Variants in CNTN5 observed in about 807,000 individuals in gnomAD.
CNTN5 encodes contactin-5.
Under a neutral mutation model 129.1 loss-of-function variants are expected in CNTN5, and 77 were observed. The ratio of observed to expected loss-of-function variants is 0.60; its 90% CI spans 0.50 to 0.72. The LOEUF is 0.72. Among genes scored for constraint, CNTN5 ranks in the 30% least tolerant of loss-of-function variants. The pLI is 0.00. For missense variants in CNTN5, 1,478 were observed against 1,328.8 expected (o/e 1.11, Z -1.75); for synonymous variants, 509 against 465.6 (o/e 1.09, Z -1.20).
At chr11:100,027,488 C>G (rs1489393562) in intron 9 of CNTN5, among the ~76,000 whole-genome samples, 3 of 152,190 alleles carry the variant, frequency 2.0e-5, no homozygotes, top group Admixed American at 2.0e-4. Context: ...AGGTTAGGAA[C>G]TATTCCTGGC....
chr11:99,208,700 G>C (rs548755675), intron 1 of CNTN5, among the ~76,000 whole-genome samples: 2 of 152,176 alleles, frequency 1.3e-5, no homozygotes, highest in South Asian at 2.1e-4. Flanking sequence ...ATTAGGAAAT[G>C]GTGAGGGAAG....
intron 9 of CNTN5, among the ~76,000 whole-genome samples, chr11:100,047,479 C>A (rs1404064260): frequency 6.6e-6 from 1 of 152,046 alleles, no homozygotes; most frequent in Admixed American, 6.5e-5. Context: ...TAATGTGAAG[C>A]CTCTAATAAA....
chr11:99,862,572 TTGTC>T (rs777318568), intron 6 of CNTN5, among the ~76,000 whole-genome samples: 1 of 152,132 alleles, frequency 6.6e-6, no homozygotes, highest in Non-Finnish European at 1.5e-5. Context: ...TCTGACTTTG[TTGTC>T]TATTTCTTAT....
intron 13 of CNTN5, among the ~76,000 whole-genome samples, chr11:100,101,699 C>A (rs1945230326): frequency 6.6e-6 from 1 of 151,962 alleles, no homozygotes; most frequent in Admixed American, 6.6e-5. Flanking sequence ...GTATACTATA[C>A]CCAATATGTA....
intron 8 of CNTN5, among the ~76,000 whole-genome samples, chr11:99,972,083 A>G (rs1278119217): frequency 1.5e-5 from 1 of 68,568 alleles, no homozygotes; most frequent in African/African-American, 6.6e-5. Context: ...ACTTATCTCT[A>G]TTAAAAAAAA....
chr11:99,768,045 A>G (rs567233801), intron 3 of CNTN5, among the ~76,000 whole-genome samples: 89 of 152,178 alleles, frequency 5.8e-4, no homozygotes, highest in Admixed American at 9.2e-4. Flanking sequence ...TGTATTGTCT[A>G]TGGCTGCTTT....
intron 1 of CNTN5, among the ~76,000 whole-genome samples, chr11:99,295,358 C>T (rs920187925): frequency 1.3e-5 from 2 of 152,160 alleles, no homozygotes; most frequent in African/African-American, 4.8e-5. Context: ...TTCTGTTTAG[C>T]CAATTCTATT....
chr11:99,960,030 A>T (rs1433237217), intron 8 of CNTN5, among the ~76,000 whole-genome samples: 1 of 152,094 alleles, frequency 6.6e-6, no homozygotes, highest in East Asian at 1.9e-4. Flanking sequence ...ACTAAATCTC[A>T]CGCTGGAGAG....
intron 13 of CNTN5, among the ~76,000 whole-genome samples, chr11:100,110,055 T>C (rs1422018049): frequency 1.3e-5 from 2 of 151,840 alleles, no homozygotes; most frequent in Non-Finnish European, 2.9e-5. Context: ...GTCGTGTTGC[T>C]GTAGTCCCAT....
At chr11:99,797,363 C>T (rs1211237920) in intron 3 of CNTN5, among the ~76,000 whole-genome samples, 1 of 152,090 alleles carries the variant, frequency 6.6e-6, no homozygotes, top group Non-Finnish European at 1.5e-5. Flanking sequence ...ATTTACATAC[C>T]TGCCAATAGT....
chr11:100,301,677 C>A (rs1458349823), intron 20 of CNTN5, among the ~76,000 whole-genome samples: 2 of 151,462 alleles, frequency 1.3e-5, no homozygotes, highest in East Asian at 1.9e-4. Context: ...AGTGTGTCAA[C>A]CAAGAAAGGC....
At chr11:100,071,644 A>C (rs561788709) in intron 11 of CNTN5, 61 bp from the exon 12 acceptor site, 1 of 1,310,018 alleles carries the variant, frequency 7.6e-7, no homozygotes, top group Middle Eastern at 1.9e-4. Flanking sequence ...AGGAGAGAAT[A>C]CCCATAAAAT....
chr11:99,585,406 C>T (rs918868299), intron 3 of CNTN5, among the ~76,000 whole-genome samples: 5 of 152,088 alleles, frequency 3.3e-5, no homozygotes, highest in African/African-American at 1.2e-4. Flanking sequence ...TAGCTGTTTT[C>T]TATTAAGCTA....
At chr11:99,174,878 T>TA (rs1857698236) in intron 1 of CNTN5, among the ~76,000 whole-genome samples, 1 of 152,166 alleles carries the variant, frequency 6.6e-6, no homozygotes, top group Non-Finnish European at 1.5e-5. Context: ...TGTGGCTATG[T>TA]AAAAATTATA....
intron 1 of CNTN5, among the ~76,000 whole-genome samples, chr11:99,239,936 CAAAA>C (rs386374626): frequency 0.023 from 2,387 of 105,194 alleles, 73 homozygotes; most frequent in African/African-American, 0.081. Flanking sequence ...GACTCCGTCT[CAAAA>C]AAAAAAAAAA....
At chr11:99,193,090 T>G (rs1006715765) in intron 1 of CNTN5, among the ~76,000 whole-genome samples, 1 of 152,284 alleles carries the variant, frequency 6.6e-6, no homozygotes, top group South Asian at 2.1e-4. Context: ...AAGCATAAAC[T>G]TAAATCATGA....
At chr11:99,810,539 A>G (rs995719747) in intron 3 of CNTN5, among the ~76,000 whole-genome samples, 9 of 152,140 alleles carry the variant, frequency 5.9e-5, no homozygotes, top group Admixed American at 1.3e-4. Flanking sequence ...TTTCTTGGAG[A>G]AAGTGCTGAG....
intron 2 of CNTN5, among the ~76,000 whole-genome samples, chr11:99,490,355 A>G (rs538717157): frequency 6.6e-6 from 1 of 152,286 alleles, no homozygotes; most frequent in African/African-American, 2.4e-5. Context: ...ACATAAATTC[A>G]TTATTGAGGG....
At chr11:100,127,475 A>G (rs1439281820) in intron 13 of CNTN5, among the ~76,000 whole-genome samples, 1 of 152,002 alleles carries the variant, frequency 6.6e-6, no homozygotes, top group Non-Finnish European at 1.5e-5. Flanking sequence ...ATATAATTGT[A>G]TAGCAGGAAT....
Sources: gnomAD v4.1 joint callset for allele counts (sites outside exome capture counted in the v4.1 genomes callset) on GRCh38, gnomAD v4.1.1 for gene constraint, MANE v1.5 for transcripts, NCBI Gene and HGNC (gene_info 2026-07-23, HGNC 2026-07-21) for gene names.